The following YBEY variants were observed in gnomAD, a reference collection of about 807,000 sequenced individuals.
YBEY encodes ybeY metalloendoribonuclease, also known as endoribonuclease YbeY.
Under a neutral mutation model 13.5 loss-of-function variants are expected in YBEY, and 15 were observed. The observed-to-expected ratio is 1.11, with a 90% confidence interval of 0.75 to 1.72. The LOEUF (loss-of-function observed/expected upper bound fraction) is 1.72, where lower values mean the gene tolerates loss of function less well. Ranked by LOEUF, YBEY falls within the 40% of genes most tolerant of loss-of-function variation. YBEY has a pLI of 0.00. For missense variants in YBEY, 244 were observed against 208.4 expected, an observed-to-expected ratio of 1.17 and a Z score of -1.05; for synonymous variants, 101 against 83.1, an observed-to-expected ratio of 1.21 and a Z score of -1.17.
intron 1 of YBEY, 152 bp from the exon 2 acceptor site, chr21:46,286,718 G>C (rs1601562480): frequency 1.8e-6 from 1 of 562,446 alleles, no homozygotes; most frequent in Non-Finnish European, 3.1e-6. Context: ...ATAGACCCTC[G>C]TTGTTGCTTC....
intron 3 of YBEY, 125 bp from the exon 4 acceptor site, chr21:46,296,037 G>T (rs143503711): frequency 2.3e-6 from 2 of 888,886 alleles, no homozygotes; most frequent in East Asian, 4.9e-5. Flanking sequence ...CCTGCCCAGG[G>T]GTCTCACAGC....
chr21:46,287,132 A>AAAAAAAAAG lies in YBEY; in HGVS notation c.210+12_210+13insAAAAAGAAA. On this transcript the variant is annotated intron_variant, in intron 2 of 4. Coordinates refer to ENST00000397701, the MANE Select transcript of YBEY (RefSeq NM_001314025.2). ...CTTTTCCATTTCATGAGGTAAAAAA[A>AAAAAAAAAG]AAATGTTCCTCTTCTTGTCTAGCCC... The AAAAAAAAAG allele has an allele frequency of 6.3e-7, 1 of 1,590,570 alleles. No individual in the cohort carries two copies. Among genetic ancestry groups the AAAAAAAAAG allele is most frequent in the East Asian group, 2.2e-5 (1 of 44,744 alleles).
At position 46,286,435 on chromosome 21, in the gene YBEY, T is replaced by C. The variant is rs1569089903; in HGVS notation, c.-45+20T>C. 1 of 157,520 alleles carries C rather than the reference T, an allele frequency of 6.3e-6. No homozygotes were observed. The highest frequency in any genetic ancestry group is 1.9e-4 in the East Asian group (1 of 5,242). 9.8% of individuals were successfully genotyped at this position (157,520 alleles called of 1,614,324 possible). ...ACACCGGTACGTCCGGGCGGGTTTTTAGTCTCCCAAGCGAGAGCGTCGCAT... is the reference window on the plus strand; with the variant it reads ...ACACCGGTACGTCCGGGCGGGTTTTCAGTCTCCCAAGCGAGAGCGTCGCAT... On this transcript the variant is annotated intron_variant, in intron 1 of 4. Coordinates refer to ENST00000397701, the MANE Select transcript of YBEY (RefSeq NM_001314025.2).
downstream of YBEY, chr21:46,301,679 G>A: frequency 8.8e-7 from 1 of 1,140,350 alleles, no homozygotes; most frequent in Non-Finnish European, 1.1e-6. Flanking sequence ...GATGGAAGAG[G>A]GGGATCTGAG....
the YBEY span, among the ~76,000 whole-genome samples, chr21:46,311,970 C>A: frequency 4.8e-5 from 4 of 82,844 alleles, no homozygotes; most frequent in South Asian, 4.7e-4. Flanking sequence ...CACCCACCCA[C>A]CCACCCATCC....
the YBEY span, chr21:46,311,376 A>G: frequency 4.1e-6 from 3 of 735,268 alleles, no homozygotes; most frequent in Non-Finnish European, 6.4e-6. Flanking sequence ...GCCCTAAGTG[A>G]CTGTCCTGCT....
downstream of YBEY, among the ~76,000 whole-genome samples, chr21:46,299,750 GCCC>G (rs545785598): frequency 6.8e-6 from 1 of 147,268 alleles, no homozygotes; most frequent in Non-Finnish European, 1.5e-5. Context: ...TGTGCCCTGA[GCCC>G]CCCCCACCAC....
At chr21:46,306,976 G>A in the YBEY span, among the ~76,000 whole-genome samples, 1 of 151,758 alleles carries the variant, frequency 6.6e-6, no homozygotes, top group African/African-American at 2.4e-5. Context: ...GCTCACTGCA[G>A]CCTCCGCCTC....
chr21:46,297,528 C>A lies in YBEY; in HGVS notation c.409-11C>A. 1 of 1,375,478 alleles carries A rather than the reference C, an allele frequency of 7.3e-7. No homozygotes were observed. Among genetic ancestry groups the A allele is most frequent in the South Asian group, 1.7e-5 (1 of 59,162 alleles). The allele number at this position is 1,375,478 out of a possible 1,614,324, so 85.2% of individuals were successfully genotyped here. A position where few individuals can be genotyped will look rare whatever the true frequency, so the allele number is the denominator to read the frequency against. ...TCCCTGGGGAGGGCCAGCGCGCTTC[C>A]TTCCTTCCAGATGTTCCAGAAGGAG... On this transcript the variant is annotated splice_polypyrimidine_tract_variant and intron_variant, in intron 4 of 4. Transcript: ENST00000397701.
Position 46,291,339 on chromosome 21 carries a change from G to A in YBEY, c.216G>A (p.Leu72=). Residue 72 remains leucine (L), a synonymous_variant, in exon 3 of 5, where the codon CTG becomes CTA. Transcript: ENST00000397701. ...TACATTTCCTCATTTTTTAGCATCT[G>A]AAAGCAGGTGAATTTCCCCAGCCTG... is the stretch of plus-strand genomic sequence containing the variant. ...DVLSFPFHEH[L]KAGEFPQPDF... 6.2e-7 allele frequency: 1 copy of A among 1,613,808 alleles called. No individual in the cohort carries two copies.
At chr21:46,301,514 G>A, downstream of YBEY, 2 of 985,052 alleles carry the variant, frequency 2.0e-6, no homozygotes, top group South Asian at 4.7e-5. Context: ...AGACTTTGTG[G>A]TATTTTCCCC....
chr21:46,311,452 T>A, the YBEY span: 2 of 1,538,120 alleles, frequency 1.3e-6, no homozygotes, highest in African/African-American at 2.7e-5. Flanking sequence ...TATGGAACAC[T>A]TACCTTCCTT....
Position 46,297,739 on chromosome 21 carries a change from C to T in YBEY, c.*105C>T, listed in dbSNP as rs901411565. 3.5e-5 allele frequency: 44 copies of T among 1,248,782 alleles called. No homozygotes were observed. The highest frequency in any genetic ancestry group is 4.3e-5 in the Non-Finnish European group (43 of 990,154). The allele number at this position is 1,248,782 out of a possible 1,614,324, so 77.4% of individuals were successfully genotyped here. A position where few individuals can be genotyped will look rare whatever the true frequency, so the allele number is the denominator to read the frequency against. On this transcript the variant is annotated 3_prime_UTR_variant, in exon 5 of 5. Coordinates refer to ENST00000397701, the MANE Select transcript of YBEY (RefSeq NM_001314025.2). The stretch of plus-strand genomic sequence containing the variant: ...AATGAACGTACGAGGGGAACCTCCT[C>T]TTATTTCCTTCACGTTGCATCGGGT...
chr21:46,287,853 G>A (rs1347939960), intron 2 of YBEY, among the ~76,000 whole-genome samples: 15 of 152,152 alleles, frequency 9.9e-5, no homozygotes, highest in South Asian at 4.1e-4. Context: ...TTAGCTGGGT[G>A]TGGTTGTGCC....
downstream of YBEY, among the ~76,000 whole-genome samples, chr21:46,299,156 C>G (rs1400047986): frequency 1.3e-5 from 2 of 150,848 alleles, no homozygotes; most frequent in African/African-American, 4.9e-5. Context: ...TTAGTAGAGA[C>G]AGGGTTTCAC....
At chr21:46,311,931 C>A in the YBEY span, among the ~76,000 whole-genome samples, 1 of 148,866 alleles carries the variant, frequency 6.7e-6, no homozygotes, top group Non-Finnish European at 1.5e-5. Flanking sequence ...ATCCATCCAA[C>A]CAACCAACCA....
the YBEY span, among the ~76,000 whole-genome samples, chr21:46,304,464 C>T: frequency 6.7e-6 from 1 of 149,226 alleles, no homozygotes; most frequent in South Asian, 2.1e-4. Flanking sequence ...CCAGCCTGGG[C>T]AATGGAGTGA....
chr21:46,304,559 A>G, the YBEY span, among the ~76,000 whole-genome samples: 2 of 152,108 alleles, frequency 1.3e-5, no homozygotes, highest in African/African-American at 4.8e-5. Flanking sequence ...TGCAAATTAA[A>G]CCAGAATGAA....
chr21:46,303,152 G>A, the YBEY span, among the ~76,000 whole-genome samples: 1 of 151,422 alleles, frequency 6.6e-6, no homozygotes, highest in African/African-American at 2.4e-5. Flanking sequence ...CAACCAGGGC[G>A]AAACTCCGTC....
Sources: allele counts gnomAD v4.1 joint callset (sites outside exome capture counted in the v4.1 genomes callset), GRCh38; gene constraint gnomAD v4.1.1; transcripts MANE v1.5; gene names NCBI Gene and HGNC (gene_info 2026-07-23, HGNC 2026-07-21).